The following ZRANB3 variants were observed in gnomAD, a reference collection of about 807,000 sequenced individuals.
ZRANB3 encodes DNA annealing helicase and endonuclease ZRANB3.
A neutral mutation model predicts 133.8 loss-of-function variants in ZRANB3; 125 were observed. That is an observed-to-expected ratio of 0.93 (90% confidence interval 0.81 to 1.08). The LOEUF (loss-of-function observed/expected upper bound fraction) is 1.08. Among genes scored for constraint, ZRANB3 ranks in the 50% least tolerant of loss-of-function variants. ZRANB3 has a pLI of 0.00. For synonymous variants in ZRANB3, 387 were observed against 432.7 expected (o/e 0.89, Z 1.31); for missense variants, 1,229 against 1,275.5 (o/e 0.96, Z 0.56).
At chr2:135,376,860 C>T (rs1371879862) in intron 3 of ZRANB3, among the ~76,000 whole-genome samples, 6 of 151,998 alleles carry the variant, frequency 3.9e-5, no homozygotes, top group African/African-American at 1.5e-4. Flanking sequence ...CCGAGGAGGG[C>T]AAAGATACCA....
At chr2:135,481,702 C>T (rs2104793960) in intron 2 of ZRANB3, among the ~76,000 whole-genome samples, 1 of 150,852 alleles carries the variant, frequency 6.6e-6, no homozygotes, top group African/African-American at 2.5e-5. Flanking sequence ...TGCCTATGTC[C>T]TGAATGGTAA....
At chr2:135,274,582 T>A (rs571585616) in intron 9 of ZRANB3, among the ~76,000 whole-genome samples, 71 of 152,246 alleles carry the variant, frequency 4.7e-4, no homozygotes, top group African/African-American at 1.6e-3. Flanking sequence ...GCATATCTTT[T>A]TTTTTAGCAA....
chr2:135,285,056 G>T (rs1457677179), intron 8 of ZRANB3, among the ~76,000 whole-genome samples: 6 of 150,800 alleles, frequency 4.0e-5, no homozygotes, highest in African/African-American at 1.5e-4. Context: ...TGTTGGTCAG[G>T]CTGGTCTCGA....
At chr2:135,228,056 A>C in intron 13 of ZRANB3, 41 bp from the exon 14 acceptor site, 1 of 1,427,786 alleles carries the variant, frequency 7.0e-7, no homozygotes, top group Non-Finnish European at 9.4e-7. Flanking sequence ...AATAATTTAC[A>C]TTTAAAAGTA....
intron 12 of ZRANB3, among the ~76,000 whole-genome samples, chr2:135,234,666 G>A (rs1413652518): frequency 1.3e-5 from 2 of 152,202 alleles, no homozygotes; most frequent in Non-Finnish European, 2.9e-5. Flanking sequence ...CATGGAAACT[G>A]AACAACCTGC....
chr2:135,234,392 G>GAA (rs1275551349), intron 12 of ZRANB3, among the ~76,000 whole-genome samples: 1 of 152,150 alleles, frequency 6.6e-6, no homozygotes, highest in Non-Finnish European at 1.5e-5. Context: ...CTACGAGACA[G>GAA]AAAGTTAACA....
At chr2:135,518,839 T>C (rs1329999673) in intron 1 of ZRANB3, among the ~76,000 whole-genome samples, 2 of 152,188 alleles carry the variant, frequency 1.3e-5, no homozygotes, top group East Asian at 1.9e-4. Flanking sequence ...AGAAGATCTA[T>C]CTGCTGAGAG....
intron 8 of ZRANB3, among the ~76,000 whole-genome samples, chr2:135,296,558 C>T (rs914888607): frequency 6.6e-6 from 1 of 152,004 alleles, no homozygotes; most frequent in Non-Finnish European, 1.5e-5. Flanking sequence ...GTTTGATCTT[C>T]TGAAGCCTTC....
At chr2:135,400,745 T>C (rs1263350786) in intron 2 of ZRANB3, among the ~76,000 whole-genome samples, 1 of 152,192 alleles carries the variant, frequency 6.6e-6, no homozygotes, top group African/African-American at 2.4e-5. Context: ...TGCATGCCAA[T>C]TGTCTGTCAC....
At chr2:135,496,923 T>A (rs1166704089) in intron 2 of ZRANB3, among the ~76,000 whole-genome samples, 2 of 152,178 alleles carry the variant, frequency 1.3e-5, no homozygotes, top group Non-Finnish European at 2.9e-5. Context: ...AAGAAAGAAA[T>A]TGAGTGGTTT....
At chr2:135,312,705 T>C (rs1683055727) in intron 8 of ZRANB3, among the ~76,000 whole-genome samples, 1 of 152,044 alleles carries the variant, frequency 6.6e-6, no homozygotes, top group Admixed American at 6.6e-5. Context: ...AGTAAAACCA[T>C]GGGAATACTA....
intron 8 of ZRANB3, among the ~76,000 whole-genome samples, chr2:135,306,620 ACT>A (rs1268637232): frequency 2.2e-4 from 30 of 133,640 alleles, no homozygotes; most frequent in Non-Finnish European, 1.6e-5. Context: ...ACAGAGTCTC[ACT>A]CTGTCGCCCA....
intron 6 of ZRANB3, among the ~76,000 whole-genome samples, chr2:135,339,800 T>C (rs1684549807): frequency 6.6e-6 from 1 of 152,220 alleles, no homozygotes; most frequent in African/African-American, 2.4e-5. Flanking sequence ...TTCTATCAAT[T>C]ATTTGTTTAC....
chr2:135,431,206 C>T (rs866778960), intron 2 of ZRANB3, among the ~76,000 whole-genome samples: 1 of 151,512 alleles, frequency 6.6e-6, no homozygotes, highest in African/African-American at 2.4e-5. Context: ...GTGGGAGGAT[C>T]ACTTGAGCTC....
In ZRANB3 at chr2:135,302,629, G is replaced by A. The variant is rs141131206; in HGVS notation, c.966+10860C>T. On this transcript the variant is annotated intron_variant, in intron 8 of 20. Coordinates refer to ENST00000264159, the MANE Select transcript of ZRANB3 (RefSeq NM_032143.4). ...CAACCTCCACCTCCTGAGCTCAAGC[G>A]ATTCTCCTGCCTCAACCTCCCAAGT... Among the ~76,000 whole-genome samples the A allele has an allele frequency of 8.6e-5, 13 of 151,602 alleles. No homozygotes were observed. The East Asian group carries it at 2.1e-3, about 25-fold the overall frequency.
intron 2 of ZRANB3, among the ~76,000 whole-genome samples, chr2:135,492,788 C>T (rs543115714): frequency 1.3e-5 from 2 of 151,836 alleles, no homozygotes; most frequent in South Asian, 2.1e-4. Context: ...AAGAATAAGG[C>T]CCTAGACCTA....
At chr2:135,525,631 T>C (rs1694122824) in intron 1 of ZRANB3, among the ~76,000 whole-genome samples, 5 of 152,172 alleles carry the variant, frequency 3.3e-5, no homozygotes, top group Admixed American at 3.3e-4. Flanking sequence ...GCGGATCACC[T>C]GAGGTCAGGA....
chr2:135,262,159 CAAAAA>C (rs755264566), intron 12 of ZRANB3, among the ~76,000 whole-genome samples: 1 of 63,968 alleles, frequency 1.6e-5, no homozygotes, highest in Admixed American at 1.8e-4. Context: ...ACTCCATCTC[CAAAAA>C]AAAAAAAAAA....
At chr2:135,464,434 A>G (rs1690897333) in intron 2 of ZRANB3, among the ~76,000 whole-genome samples, 1 of 152,238 alleles carries the variant, frequency 6.6e-6, no homozygotes, top group Non-Finnish European at 1.5e-5. Context: ...TCTGGTTTAC[A>G]GAAGGATCTG....
Sources: allele counts gnomAD v4.1 joint callset (sites outside exome capture counted in the v4.1 genomes callset), GRCh38; gene constraint gnomAD v4.1.1; transcripts MANE v1.5; gene names NCBI Gene and HGNC (gene_info 2026-07-23, HGNC 2026-07-21).